The following KIF26B variants were observed in gnomAD, a reference collection of about 807,000 sequenced individuals.
KIF26B encodes the protein kinesin-like protein KIF26B.
KIF26B carries 63 observed loss-of-function variants against 151.2 expected under a neutral mutation model. The observed-to-expected ratio is 0.42, with a 90% CI of 0.34 to 0.51. The LOEUF is 0.51. Ranked by LOEUF, KIF26B falls within the 20% of genes least tolerant of loss-of-function variation. The pLI, the probability that KIF26B is intolerant of heterozygous loss-of-function variation, is 0.07. For synonymous variants in KIF26B, 1,357 were observed against 1,262.1 expected (o/e 1.08, Z -1.59); for missense variants, 2,813 against 2,913.6 (o/e 0.97, Z 0.79).
intron 1 of KIF26B, 74 bp from the exon 2 acceptor site, chr1:245,156,208 C>G: frequency 6.7e-7 from 1 of 1,495,872 alleles, no homozygotes. Context: ...CTTGGTGGCG[C>G]ACGTATGACC....
rs960376046 is a variant in KIF26B, at chr1:245,516,217, A to T, written c.1167-24550A>T. On this transcript the variant is annotated intron_variant, in intron 4 of 14. Transcript: ENST00000407071. This position sits in a 1 kb window ranked among gnomAD's most constrained non-coding sequence, Gnocchi z 4.2. ...TTATCAGCAGAATGGTACATTTCCC[A>T]TAGCAATGCTTGAACTCTGGTCCGT... Among the ~76,000 whole-genome samples the T allele has an allele frequency of 4.6e-5, 7 of 152,290 alleles. No homozygotes were observed. The highest frequency in any genetic ancestry group is 7.4e-5 in the Non-Finnish European group (5 of 68,012).
chr1:245,294,639 G>T (rs905943030), intron 2 of KIF26B, among the ~76,000 whole-genome samples: 1 of 152,070 alleles, frequency 6.6e-6, no homozygotes, highest in African/African-American at 2.4e-5. Context: ...CCAGGAAAGG[G>T]TTCAGACTAG....
chr1:245,678,687 T>C (rs12564050), intron 10 of KIF26B, among the ~76,000 whole-genome samples: 3,000 of 151,556 alleles, frequency 0.02, 49 homozygotes, highest in East Asian at 0.099. Flanking sequence ...CATGGTGAAA[T>C]CCCGTCTCTA....
rs145528184 is a variant in KIF26B at position 245,162,341 on chromosome 1, C to G, written c.465+5658C>G. 3.0e-3 allele frequency among the ~76,000 whole-genome samples: 414 copies of G among 139,982 alleles called. 3 individuals are homozygous for G. The highest frequency in any genetic ancestry group is 0.011 in the African/African-American group (400 of 35,898). The allele number at this position is 139,982 out of a possible 152,430, so 91.8% of individuals were successfully genotyped here. A position where few individuals can be genotyped will look rare whatever the true frequency, so the allele number is the denominator to read the frequency against. ...TGTTGAGAATGTGCTCCCAATCGCT[C>G]TTTTATACCTATAGATGCACCCATC... On this transcript the variant is annotated intron_variant, in intron 2 of 14. Transcript: ENST00000407071.
chr1:245,501,119 C>T (rs780913770), intron 4 of KIF26B, among the ~76,000 whole-genome samples: 4 of 152,188 alleles, frequency 2.6e-5, no homozygotes, highest in Non-Finnish European at 5.9e-5. Flanking sequence ...GTGGACAGAA[C>T]AGTCGTTTAG....
chr1:245,397,021 C>T (rs1407027077), intron 3 of KIF26B, among the ~76,000 whole-genome samples: 1 of 148,600 alleles, frequency 6.7e-6, no homozygotes, highest in Non-Finnish European at 1.5e-5. Context: ...TGCAGTGGCA[C>T]AATCACAGCT....
At chr1:245,301,939 C>A (rs901263030) in intron 2 of KIF26B, among the ~76,000 whole-genome samples, 4 of 152,182 alleles carry the variant, frequency 2.6e-5, no homozygotes, top group East Asian at 1.9e-4. Flanking sequence ...ATCAACCCCC[C>A]AGTTGTTGTT....
At chr1:245,283,052 T>C in intron 2 of KIF26B, 1 of 199,288 alleles carries the variant, frequency 5.0e-6, no homozygotes, top group Non-Finnish European at 1.1e-5. Context: ...ATTCTACAGC[T>C]ACAATGGTGA....
chr1:245,250,435 C>G (rs6656741), intron 2 of KIF26B, among the ~76,000 whole-genome samples: 1 of 152,116 alleles, frequency 6.6e-6, no homozygotes, highest in Admixed American at 6.6e-5. Flanking sequence ...AGCTTTTCTT[C>G]CTGTGATGGA....
Position 245,244,756 on chromosome 1 carries a change from T to TCACACA in KIF26B, c.465+88104_465+88109dup, listed in dbSNP as rs55638619. Among the ~76,000 whole-genome samples, 24,581 of 144,180 alleles carry TCACACA rather than the reference T, an allele frequency of 0.17. 2,121 individuals carry two copies. The highest frequency in any genetic ancestry group is 0.19 in the South Asian group (815 of 4,350). The allele number at this position is 144,180 out of a possible 152,430, so 94.6% of individuals were successfully genotyped here. A position where few individuals can be genotyped will look rare whatever the true frequency, so the allele number is the denominator to read the frequency against. On this transcript the variant is annotated intron_variant, in intron 2 of 14. Coordinates refer to ENST00000407071, the MANE Select transcript of KIF26B (RefSeq NM_018012.4). The surrounding 1 kb of genome is among the most constrained non-coding windows in gnomAD (Gnocchi z 4.2). ...AGAAGGAACACACAGACACGCACAC[T>TCACACA]CACACACACACACACACACACACAC...
intron 5 of KIF26B, among the ~76,000 whole-genome samples, chr1:245,568,370 C>A (rs1428218227): frequency 6.6e-6 from 1 of 151,192 alleles, no homozygotes; most frequent in African/African-American, 2.4e-5. Context: ...TAAAAATTAG[C>A]CAGGTGTGGT....
At chr1:245,157,894 A>G (rs545077316) in intron 2 of KIF26B, among the ~76,000 whole-genome samples, 1 of 152,230 alleles carries the variant, frequency 6.6e-6, no homozygotes, top group Non-Finnish European at 1.5e-5. Flanking sequence ...ATCCTTCATC[A>G]ATATTCATTG....
intron 2 of KIF26B, among the ~76,000 whole-genome samples, chr1:245,254,521 G>A (rs1041575943): frequency 6.6e-6 from 1 of 152,172 alleles, no homozygotes; most frequent in Non-Finnish European, 1.5e-5. Flanking sequence ...AGGCATCCTG[G>A]CTGAAATGAT....
chr1:245,167,397 G>A lies in KIF26B; in HGVS notation c.465+10714G>A, dbSNP rs967084899. 5.3e-5 allele frequency among the ~76,000 whole-genome samples: 8 copies of A among 152,100 alleles called. No individual in the cohort carries two copies. Among genetic ancestry groups the A allele is most frequent in the African/African-American group, 1.9e-4 (8 of 41,426 alleles). On this transcript the variant is annotated intron_variant, in intron 2 of 14. Coordinates refer to ENST00000407071, the MANE Select transcript of KIF26B (RefSeq NM_018012.4). This position sits in a 1 kb window ranked among gnomAD's most constrained non-coding sequence, Gnocchi z 4.2. ...TTCTGCAGTGTAATTTTGTCTTTGA[G>A]TTGGCAGTGATGAGCAGCTACACTT...
chr1:245,467,779 C>T (rs1355513581), intron 4 of KIF26B, among the ~76,000 whole-genome samples: 1 of 152,164 alleles, frequency 6.6e-6, no homozygotes, highest in Non-Finnish European at 1.5e-5. Context: ...CCTGTAATCC[C>T]AGCTACTAGG....
At chr1:245,176,187 C>T (rs775902769) in intron 2 of KIF26B, among the ~76,000 whole-genome samples, 10 of 151,866 alleles carry the variant, frequency 6.6e-5, no homozygotes, top group Non-Finnish European at 1.2e-4. Context: ...TTAGTAGAGA[C>T]GGGGTTTCTC....
chr1:245,498,022 A>G (rs1050328666), intron 4 of KIF26B, among the ~76,000 whole-genome samples: 10 of 152,202 alleles, frequency 6.6e-5, no homozygotes, highest in Admixed American at 1.3e-4. Context: ...GATTTATTCT[A>G]TCATATTATC....
chr1:245,707,783 T>C lies in KIF26B; in HGVS notation c.*5177T>C, dbSNP rs949675990. On this transcript the variant is annotated 3_prime_UTR_variant, in exon 15 of 15. Coordinates refer to ENST00000407071, the MANE Select transcript of KIF26B (RefSeq NM_018012.4). ...AAAGATCCCTTCGTTTTGAATTTGA[T>C]GAGAATGGGCTTGGAAATCCACGCC... 2.0e-5 allele frequency: 3 copies of C among 152,222 alleles called. No individual in the cohort carries two copies. The highest frequency in any genetic ancestry group is 7.2e-5 in the African/African-American group (3 of 41,450). The allele number at this position is 152,222 out of a possible 1,614,324, so 9.4% of individuals were successfully genotyped here. A position where few individuals can be genotyped will look rare whatever the true frequency, so the allele number is the denominator to read the frequency against.
chr1:245,504,023 C>T (rs1013657815), intron 4 of KIF26B, among the ~76,000 whole-genome samples: 4 of 152,170 alleles, frequency 2.6e-5, no homozygotes, highest in Admixed American at 6.5e-5. Context: ...CGGTCGTTTT[C>T]GTATCCCCTA....
Sources: allele counts gnomAD v4.1 joint callset (sites outside exome capture counted in the v4.1 genomes callset), GRCh38; gene constraint gnomAD v4.1.1; non-coding constraint Gnocchi (gnomAD v3.1); transcripts MANE v1.5; gene names NCBI Gene and HGNC (gene_info 2026-07-23, HGNC 2026-07-21).